RELL1: variants seen among roughly 807,000 people sequenced by gnomAD.
RELL1 encodes the protein RELT-like protein 1.
Under a neutral mutation model 23.0 loss-of-function variants are expected in RELL1, and 10 were observed. That is an observed-to-expected ratio of 0.43 (90% CI 0.27 to 0.74). RELL1 has a LOEUF of 0.74. Among genes scored for constraint, RELL1 ranks in the 30% least tolerant of loss-of-function variants. The pLI is 0.19. For synonymous variants in RELL1, 146 were observed against 146.8 expected (o/e 0.99, Z 0.04); for missense variants, 315 against 364.4 (o/e 0.86, Z 1.10).
chr4:37,612,336 AAAC>A lies in RELL1; in HGVS notation c.*1007_*1009del, dbSNP rs1326930879. 4.4e-4 allele frequency among the ~76,000 whole-genome samples: 41 copies of A among 92,768 alleles called. No individual in the cohort carries two copies. The highest frequency in any genetic ancestry group is 4.7e-4 in the Admixed American group (4 of 8,464). 60.9% of individuals were successfully genotyped at this position (92,768 alleles called of 152,430 possible). A position where few individuals can be genotyped will look rare whatever the true frequency, so the allele number is the denominator to read the frequency against. ...CAGCTAAAGGTTAAAAAAAAAAAAA[AAAC>A]AAAAAAAAACAAAAAACCGGGTGCA... On this transcript the variant is annotated 3_prime_UTR_variant, in exon 7 of 7. Coordinates refer to ENST00000454158, the MANE Select transcript of RELL1 (RefSeq NM_001085400.2).
At chr4:37,602,759 T>G (rs1363390983) in intron 6 of RELL1, among the ~76,000 whole-genome samples, 13 of 152,196 alleles carry the variant, frequency 8.5e-5, no homozygotes. Flanking sequence ...GATACCTTTC[T>G]CAATGTCACA....
chr4:37,617,010 A>C (rs1046797723), intron 6 of RELL1, among the ~76,000 whole-genome samples: 1 of 152,246 alleles, frequency 6.6e-6, no homozygotes, highest in Non-Finnish European at 1.5e-5. Context: ...ATTGTGTGTT[A>C]AATTTTATAA....
downstream of RELL1, among the ~76,000 whole-genome samples, chr4:37,608,723 C>T (rs550335998): frequency 5.9e-5 from 9 of 151,884 alleles, no homozygotes; most frequent in South Asian, 8.3e-4. Flanking sequence ...CTCTATCTCC[C>T]GGATTCAAGT....
rs1042287368 is a variant in RELL1 at position 37,612,516 on chromosome 4, A to G, written c.*830T>C. On this transcript the variant is annotated 3_prime_UTR_variant, in exon 7 of 7. Coordinates refer to ENST00000454158, the MANE Select transcript of RELL1 (RefSeq NM_001085400.2). ...TCGAGCGTGGTGGTGCATGCCTGTA[A>G]TCCCAGCTACTTGGGAGGCTGAGGC... 6.6e-6 allele frequency among the ~76,000 whole-genome samples: 1 copy of G among 151,282 alleles called. No homozygotes were observed. The highest frequency in any genetic ancestry group is 6.6e-5 in the Admixed American group (1 of 15,182).
chr4:37,614,154 G>GT (rs1390524414), intron 6 of RELL1, among the ~76,000 whole-genome samples: 1 of 152,116 alleles, frequency 6.6e-6, no homozygotes, highest in Non-Finnish European at 1.5e-5. Flanking sequence ...TGCTAGAAGT[G>GT]TTTTGAAGAA....
At position 37,631,442 on chromosome 4, in the gene RELL1, G is replaced by A; in HGVS notation, c.762C>T (p.Val254=). The A allele has an allele frequency of 6.2e-7, 1 of 1,614,054 alleles. No individual in the cohort carries two copies. Among genetic ancestry groups the A allele is most frequent in the Non-Finnish European group, 8.5e-7 (1 of 1,179,994 alleles). The change falls in exon 6 of 7, where the codon GTC becomes GTT. Residue 254 remains valine (V), a synonymous_variant. Coordinates refer to ENST00000454158, the MANE Select transcript of RELL1 (RefSeq NM_001085400.2). ...CAGGTGTTGCCGGCACCTCCCCATT[G>A]ACGGTTTCAGCCCCACTAACAGACA... ...SLMSVSGAET[V]NGEVPATPVK... is the part of the protein sequence containing the mutation.
intron 6 of RELL1, among the ~76,000 whole-genome samples, chr4:37,593,963 C>T (rs750783521): frequency 3.3e-5 from 5 of 152,204 alleles, no homozygotes; most frequent in Admixed American, 6.5e-5. Context: ...GTCTCTTTCT[C>T]TTACCCAGAC....
At chr4:37,668,757 A>G (rs1488347825) in intron 1 of RELL1, among the ~76,000 whole-genome samples, 5 of 120,324 alleles carry the variant, frequency 4.2e-5, no homozygotes, top group Non-Finnish European at 6.4e-5. Context: ...CCGCCATCCC[A>G]TCTAGGAAGT....
At chr4:37,652,629 G>A (rs1720988862) in intron 1 of RELL1, among the ~76,000 whole-genome samples, 2 of 152,186 alleles carry the variant, frequency 1.3e-5, no homozygotes, top group Admixed American at 1.3e-4. Flanking sequence ...GGGAAAGAGG[G>A]ATGAAAGAGG....
downstream of RELL1, chr4:37,590,711 G>A (rs1161132103): frequency 3.1e-6 from 5 of 1,614,070 alleles, no homozygotes; most frequent in East Asian, 1.1e-4. Context: ...TCCCTAGAGG[G>A]AATTCAGCCC....
chr4:37,624,156 G>A (rs965068170), intron 6 of RELL1, among the ~76,000 whole-genome samples: 6 of 152,146 alleles, frequency 3.9e-5, no homozygotes, highest in African/African-American at 1.4e-4. Flanking sequence ...AAGGTCAGAA[G>A]AGCCACCTTG....
downstream of RELL1, chr4:37,590,578 G>C (rs750491820): frequency 6.2e-7 from 1 of 1,614,168 alleles, no homozygotes; most frequent in South Asian, 1.1e-5. Context: ...TTTTGCCTTG[G>C]AAGTACAAGA....
At chr4:37,666,739 C>A (rs1012131663) in intron 1 of RELL1, among the ~76,000 whole-genome samples, 2 of 152,260 alleles carry the variant, frequency 1.3e-5, no homozygotes, top group East Asian at 3.9e-4. Flanking sequence ...TCAGGTGGTA[C>A]CACAAGGCCA....
At chr4:37,644,936 A>G (rs968996164) in intron 3 of RELL1, among the ~76,000 whole-genome samples, 1 of 152,272 alleles carries the variant, frequency 6.6e-6, no homozygotes, top group Non-Finnish European at 1.5e-5. Flanking sequence ...CCTGAGCTCC[A>G]ATCCCAGCTC....
intron 1 of RELL1, among the ~76,000 whole-genome samples, chr4:37,673,218 T>C (rs56282767): frequency 0.96 from 121,920 of 126,424 alleles, 58,932 homozygotes; most frequent in South Asian, 1. Flanking sequence ...GAGACAGGGT[T>C]TCACTCTGTA....
chr4:37,679,069 A>T (rs894848493), intron 1 of RELL1, among the ~76,000 whole-genome samples: 2 of 152,168 alleles, frequency 1.3e-5, no homozygotes, highest in Middle Eastern at 3.2e-3. Flanking sequence ...AGGTCCTCTG[A>T]GTTCAACAGG....
At chr4:37,652,999 G>A (rs771828278) in intron 1 of RELL1, among the ~76,000 whole-genome samples, 1 of 152,122 alleles carries the variant, frequency 6.6e-6, no homozygotes, top group Non-Finnish European at 1.5e-5. Flanking sequence ...GGATCAAAAT[G>A]AGTGTGACTA....
chr4:37,624,524 C>T (rs534933993), intron 6 of RELL1, among the ~76,000 whole-genome samples: 3 of 150,918 alleles, frequency 2.0e-5, no homozygotes, highest in Non-Finnish European at 3.0e-5. Context: ...CCCAGGTTCA[C>T]GCCATTCTCC....
rs543171950 is a variant in RELL1, at chr4:37,611,264, T to C, written c.*2082A>G. 6.6e-6 allele frequency among the ~76,000 whole-genome samples: 1 copy of C among 152,230 alleles called. No homozygotes were observed. The highest frequency in any genetic ancestry group is 1.5e-5 in the Non-Finnish European group (1 of 68,040). On this transcript the variant is annotated 3_prime_UTR_variant, in exon 7 of 7. Transcript: ENST00000454158. ...ATTAGCCTAGACTGCACATATATTA[T>C]TTACACTAATACATACCCCTAAAAG...
Sources: allele counts gnomAD v4.1 joint callset (sites outside exome capture counted in the v4.1 genomes callset), GRCh38; gene constraint gnomAD v4.1.1; transcripts MANE v1.5; gene names NCBI Gene and HGNC (gene_info 2026-07-23, HGNC 2026-07-21).